The following NBEA variants were observed in gnomAD, a reference collection of about 807,000 sequenced individuals.
NBEA encodes the protein neurobeachin.
Under a neutral mutation model 343.4 loss-of-function variants are expected in NBEA, and 44 were observed. The ratio of observed to expected loss-of-function variants is 0.13; its 90% CI spans 0.10 to 0.16. The LOEUF (loss-of-function observed/expected upper bound fraction) is 0.16. Ranked by LOEUF, NBEA falls within the 10% of genes least tolerant of loss-of-function variation. The pLI is 1.00. For missense variants in NBEA, 2,555 were observed against 3,631.3 expected (o/e 0.70, Z 7.62); for synonymous variants, 1,175 against 1,238.7 (o/e 0.95, Z 1.08).
chr13:35,050,474 T>A (rs2063026858), intron 6 of NBEA, 79 bp downstream of exon 6: 1 of 1,375,890 alleles, frequency 7.3e-7, no homozygotes, highest in Admixed American at 2.4e-5. Flanking sequence ...TCTGTAGTAT[T>A]CTCTTTCACG....
chr13:35,640,878 A>G lies in NBEA; in HGVS notation c.7618-4991A>G, dbSNP rs965966363. On this transcript the variant is annotated intron_variant, in intron 49 of 58. Transcript: ENST00000379939. ...TCTCTGCCTATACCTACAAAATTCC[A>G]TGTTTTAGAACTTCCTCAAGGTGTT... Among the ~76,000 whole-genome samples the G allele has an allele frequency of 2.7e-5, 4 of 150,788 alleles. No individual in the cohort carries two copies. The East Asian group carries it at 5.9e-4, about 22-fold the overall frequency.
chr13:35,319,398 T>C (rs2037977808), intron 36 of NBEA, among the ~76,000 whole-genome samples: 1 of 152,182 alleles, frequency 6.6e-6, no homozygotes, highest in Admixed American at 6.5e-5. Context: ...TCCATGTAGT[T>C]GTGTGGTTTT....
At chr13:35,508,525 A>G (rs938165118) in intron 41 of NBEA, among the ~76,000 whole-genome samples, 1 of 152,162 alleles carries the variant, frequency 6.6e-6, no homozygotes, top group African/African-American at 2.4e-5. Flanking sequence ...ACAGAAATTG[A>G]TAGATCAGGT....
intron 41 of NBEA, among the ~76,000 whole-genome samples, chr13:35,514,377 G>A (rs938863217): frequency 3.3e-5 from 5 of 152,068 alleles, no homozygotes; most frequent in Non-Finnish European, 5.9e-5. Flanking sequence ...GCATTAATAT[G>A]CTCTAATCCG....
chr13:34,991,761 C>G (rs1445883714), intron 1 of NBEA, among the ~76,000 whole-genome samples: 1 of 152,110 alleles, frequency 6.6e-6, no homozygotes, highest in Non-Finnish European at 1.5e-5. Flanking sequence ...ACTTTTTGTT[C>G]CTTCCAGAAT....
chr13:35,268,901 G>A (rs2033907158), intron 34 of NBEA, among the ~76,000 whole-genome samples: 1 of 152,052 alleles, frequency 6.6e-6, no homozygotes, highest in Admixed American at 6.6e-5. Context: ...CTGCCAACCT[G>A]TTATTCTTAA....
At chr13:34,959,429 T>C (rs1251205859) in intron 1 of NBEA, among the ~76,000 whole-genome samples, 1 of 152,128 alleles carries the variant, frequency 6.6e-6, no homozygotes, top group Non-Finnish European at 1.5e-5. Flanking sequence ...AATGGCAATG[T>C]AATTCCATTT....
At chr13:35,203,763 A>G (rs2073184781) in intron 31 of NBEA, among the ~76,000 whole-genome samples, 1 of 152,206 alleles carries the variant, frequency 6.6e-6, no homozygotes, top group Admixed American at 6.5e-5. Flanking sequence ...AATTAATGAA[A>G]TATTTTATCA....
chr13:35,486,836 T>C (rs1302127674), intron 41 of NBEA, among the ~76,000 whole-genome samples: 1 of 151,966 alleles, frequency 6.6e-6, no homozygotes, highest in East Asian at 1.9e-4. Context: ...ATCTATCACA[T>C]TGGGAGAAAC....
chr13:35,411,406 G>A (rs2152917094), intron 38 of NBEA, among the ~76,000 whole-genome samples: 1 of 151,532 alleles, frequency 6.6e-6, no homozygotes, highest in Middle Eastern at 3.4e-3. Flanking sequence ...ATGAATTGTT[G>A]TAGATGATTT....
Position 35,345,094 on chromosome 13 carries a change from A to G in NBEA, c.5904-4014A>G, listed in dbSNP as rs576194021. ...TATCCCATGAATGCAGGAGTTGTTC[A>G]TCATTTTAAAAATTTCTAAAAATGT... On this transcript the variant is annotated intron_variant, in intron 36 of 58. Transcript: ENST00000379939. Among the ~76,000 whole-genome samples, 49 of 152,230 alleles carry G rather than the reference A, an allele frequency of 3.2e-4. No individual in the cohort carries two copies. The South Asian group carries it at 0.01, about 32-fold the overall frequency.
In NBEA at chr13:35,368,493, G is replaced by T. The variant is rs913309283; in HGVS notation, c.6179+16170G>T. 6.6e-5 allele frequency among the ~76,000 whole-genome samples: 10 copies of T among 151,610 alleles called. 1 individual carries two copies. The East Asian group carries it at 1.9e-3, about 29-fold the overall frequency. ...TCTATCTCTATTCTGTCCCACTTGA[G>T]ATCATGCCAATAAAATATTTTTTAT... On this transcript the variant is annotated intron_variant, in intron 38 of 58. Transcript: ENST00000379939.
At position 35,585,131 on chromosome 13, in the gene NBEA, T is replaced by TAAAAAAAAAAAA. The variant is rs775053482; in HGVS notation, c.7176+1104_7176+1105insAAAAAAAAAAAA. 6.1e-3 allele frequency among the ~76,000 whole-genome samples: 435 copies of TAAAAAAAAAAAA among 71,440 alleles called. 34 individuals carry two copies. Among genetic ancestry groups the TAAAAAAAAAAAA allele is most frequent in the East Asian group, 0.032 (67 of 2,098 alleles). 46.9% of individuals were successfully genotyped at this position (71,440 alleles called of 152,430 possible). A position where few individuals can be genotyped will look rare whatever the true frequency, so the allele number is the denominator to read the frequency against. On this transcript the variant is annotated intron_variant, in intron 46 of 58. Transcript: ENST00000379939. ...AAATATATTTAAGTCTCACTGACCT[T>TAAAAAAAAAAAA]AAAAAAAAAAAGCCTCCTGCCAGCC...
At chr13:35,220,266 T>G (rs1368042043) in intron 33 of NBEA, among the ~76,000 whole-genome samples, 1 of 152,152 alleles carries the variant, frequency 6.6e-6, no homozygotes, top group Non-Finnish European at 1.5e-5. Flanking sequence ...TTGGTCAACA[T>G]CTGTTTTGAT....
chr13:35,346,177 G>A (rs1400804455), intron 36 of NBEA, among the ~76,000 whole-genome samples: 2 of 152,016 alleles, frequency 1.3e-5, no homozygotes, highest in African/African-American at 4.8e-5. Context: ...TTGCTCCTGG[G>A]AATGATATGT....
Position 35,475,360 on chromosome 13 carries a change from C to T in NBEA, c.6585+2824C>T. The T allele has an allele frequency of 3.1e-6, 5 of 1,613,902 alleles. No homozygotes were observed. In the South Asian group the frequency reaches 4.4e-5, roughly 14 times the overall value. ...GGGCTGGCCCGGCAGTTCAAGGTGA[C>T]GATCCCTTAAGGTTTTGAGGATGGA... On this transcript the variant is annotated intron_variant, in intron 41 of 58. Transcript: ENST00000379939.
rs2068581515 is a variant in NBEA, at chr13:35,148,597, A to T, written c.2445+6220A>T. On this transcript the variant is annotated intron_variant, in intron 18 of 58. Transcript: ENST00000379939. ...ATTTAGCAAATACTGATTAATACTTAAGAATATATATATATATTTCTCAAC... is the reference window on the plus strand; with the variant it reads ...ATTTAGCAAATACTGATTAATACTTTAGAATATATATATATATTTCTCAAC... Among the ~76,000 whole-genome samples the T allele has an allele frequency of 5.3e-5, 8 of 152,326 alleles. No individual in the cohort carries two copies. The South Asian group carries it at 1.7e-3, about 32-fold the overall frequency.
chr13:34,982,013 T>C (rs781706426), intron 1 of NBEA, among the ~76,000 whole-genome samples: 3 of 151,898 alleles, frequency 2.0e-5, no homozygotes, highest in Non-Finnish European at 2.9e-5. Context: ...TTAATATTAT[T>C]AATTTCAAAG....
intron 38 of NBEA, among the ~76,000 whole-genome samples, chr13:35,358,213 G>A (rs2040604766): frequency 1.3e-5 from 2 of 151,046 alleles, no homozygotes; most frequent in East Asian, 2.0e-4. Flanking sequence ...TGGTAGAGGC[G>A]GGGTTTCACC....
Sources: gnomAD v4.1 joint callset for allele counts (sites outside exome capture counted in the v4.1 genomes callset) on GRCh38, gnomAD v4.1.1 for gene constraint, MANE v1.5 for transcripts, NCBI Gene and HGNC (gene_info 2026-07-23, HGNC 2026-07-21) for gene names.